Variants in TENM4 observed in about 807,000 individuals in gnomAD.
The protein encoded by TENM4 is teneurin-4.
A neutral mutation model predicts 243.3 loss-of-function variants in TENM4; 82 were observed. The observed-to-expected ratio is 0.34, with a 90% CI of 0.28 to 0.40. TENM4 has a LOEUF of 0.40. TENM4 is among the 10% of genes least tolerant of loss of function. TENM4 has a pLI of 1.00. For synonymous variants in TENM4, 1,412 were observed against 1,456.3 expected, an observed-to-expected ratio of 0.97 and a Z score of 0.69; for missense variants, 3,138 against 3,673.3, an observed-to-expected ratio of 0.85 and a Z score of 3.77.
At chr11:78,831,630 A>G (rs1857983773) in intron 12 of TENM4, among the ~76,000 whole-genome samples, 1 of 152,226 alleles carries the variant, frequency 6.6e-6, no homozygotes, top group Non-Finnish European at 1.5e-5. Flanking sequence ...TTTCAGAATT[A>G]CAGGTAGTGC....
At chr11:78,798,944 C>T (rs992664494) in intron 15 of TENM4, among the ~76,000 whole-genome samples, 5 of 152,138 alleles carry the variant, frequency 3.3e-5, no homozygotes, top group Non-Finnish European at 2.9e-5. Context: ...AATAATTAGG[C>T]GTCTCATTTC....
At chr11:78,956,789 G>A (rs1857215314) in intron 6 of TENM4, among the ~76,000 whole-genome samples, 1 of 152,154 alleles carries the variant, frequency 6.6e-6, no homozygotes, top group Admixed American at 6.5e-5. Context: ...CATGAGGCTT[G>A]GAGTCATTTT....
intron 2 of TENM4, among the ~76,000 whole-genome samples, chr11:79,281,801 C>A (rs1403103991): frequency 6.6e-6 from 1 of 152,220 alleles, no homozygotes; most frequent in Non-Finnish European, 1.5e-5. Context: ...CCATTAAAAC[C>A]TTTAATGTCC....
At chr11:79,339,149 G>T (rs1394987097) in intron 1 of TENM4, among the ~76,000 whole-genome samples, 1 of 152,172 alleles carries the variant, frequency 6.6e-6, no homozygotes, top group Non-Finnish European at 1.5e-5. Context: ...GCAGGGGATT[G>T]TTGGACGGGG....
chr11:79,062,965 G>A (rs78549897), intron 6 of TENM4, among the ~76,000 whole-genome samples: 3,861 of 152,202 alleles, frequency 0.025, 48 homozygotes, highest in Non-Finnish European at 0.033. Context: ...CTCTGGTACT[G>A]AGGTCATCGG....
intron 18 of TENM4, among the ~76,000 whole-genome samples, chr11:78,759,678 C>T (rs537782791): frequency 1.2e-4 from 18 of 152,172 alleles, no homozygotes; most frequent in South Asian, 1.0e-3. Context: ...ACAGTGATGG[C>T]GATGATGATG....
At chr11:79,349,166 G>A (rs1212383508) in intron 1 of TENM4, among the ~76,000 whole-genome samples, 1 of 152,108 alleles carries the variant, frequency 6.6e-6, no homozygotes, top group Non-Finnish European at 1.5e-5. Context: ...CCCTGACACT[G>A]AGCACACCCA....
At chr11:78,905,629 G>C (rs1856044272) in intron 6 of TENM4, among the ~76,000 whole-genome samples, 1 of 152,184 alleles carries the variant, frequency 6.6e-6, no homozygotes, top group African/African-American at 2.4e-5. Context: ...GAGACCATCT[G>C]AATGGCCAAA....
chr11:78,839,663 C>T (rs1565401190), intron 12 of TENM4, among the ~76,000 whole-genome samples: 1 of 152,090 alleles, frequency 6.6e-6, no homozygotes. Flanking sequence ...ACAATGCTAA[C>T]TAATCGGTGC....
At chr11:79,173,221 A>G (rs2135121044) in intron 3 of TENM4, among the ~76,000 whole-genome samples, 1 of 152,274 alleles carries the variant, frequency 6.6e-6, no homozygotes, top group African/African-American at 2.4e-5. Flanking sequence ...TGTCACACTT[A>G]TGTCACCGTT....
intron 3 of TENM4, among the ~76,000 whole-genome samples, chr11:79,200,062 G>GC (rs1409499598): frequency 2.0e-5 from 3 of 152,202 alleles, no homozygotes; most frequent in Non-Finnish European, 2.9e-5. Flanking sequence ...AGGACCTGCA[G>GC]CATCTCTAGA....
intron 1 of TENM4, among the ~76,000 whole-genome samples, chr11:79,335,648 AC>A (rs1312374527): frequency 6.6e-6 from 1 of 152,292 alleles, no homozygotes; most frequent in East Asian, 1.9e-4. Context: ...CCAGAAAGGG[AC>A]AGGATTAATT....
chr11:78,673,474 G>T (rs1012191060), intron 30 of TENM4, among the ~76,000 whole-genome samples: 2 of 152,074 alleles, frequency 1.3e-5, no homozygotes, highest in Admixed American at 1.3e-4. Context: ...TGTGTGGACC[G>T]AGGCAATGAA....
intron 6 of TENM4, among the ~76,000 whole-genome samples, chr11:78,922,635 C>A (rs371482175): frequency 2.0e-5 from 3 of 152,298 alleles, no homozygotes; most frequent in South Asian, 4.2e-4. Context: ...CAAAGACTAG[C>A]AGTGAATGAA....
intron 12 of TENM4, among the ~76,000 whole-genome samples, chr11:78,834,633 TG>T (rs1858060886): frequency 6.6e-6 from 1 of 152,218 alleles, no homozygotes; most frequent in Non-Finnish European, 1.5e-5. Flanking sequence ...CTGTCAAAAA[TG>T]GGATCTAGAA....
At chr11:79,003,695 G>T (rs1858396354) in intron 6 of TENM4, among the ~76,000 whole-genome samples, 1 of 152,182 alleles carries the variant, frequency 6.6e-6, no homozygotes, top group African/African-American at 2.4e-5. Context: ...TTCAGTAACT[G>T]CTAGATATTG....
chr11:79,001,557 G>A (rs888140817), intron 6 of TENM4, among the ~76,000 whole-genome samples: 11 of 152,134 alleles, frequency 7.2e-5, no homozygotes, highest in African/African-American at 1.2e-4. Context: ...TCCAGCCTGC[G>A]CAGAGCCCAA....
At chr11:79,311,202 T>C (rs1240423664) in intron 1 of TENM4, among the ~76,000 whole-genome samples, 2 of 152,224 alleles carry the variant, frequency 1.3e-5, no homozygotes, top group East Asian at 3.8e-4. Context: ...CAATAATTAG[T>C]ACACTGAATT....
intron 1 of TENM4, among the ~76,000 whole-genome samples, chr11:79,346,929 A>G (rs1002328220): frequency 6.6e-6 from 1 of 152,282 alleles, no homozygotes; most frequent in East Asian, 1.9e-4. Flanking sequence ...TCCTGATCTC[A>G]TGGTTCGGGG....
Sources: allele counts gnomAD v4.1 joint callset (sites outside exome capture counted in the v4.1 genomes callset), GRCh38; gene constraint gnomAD v4.1.1; transcripts MANE v1.5; gene names NCBI Gene and HGNC (gene_info 2026-07-23, HGNC 2026-07-21).